The following FA2H variants were observed in gnomAD, a reference collection of about 807,000 sequenced individuals.
The protein encoded by FA2H is fatty acid alpha-hydroxylase.
A neutral mutation model predicts 44.9 loss-of-function variants in FA2H; 22 were observed. The ratio of observed to expected loss-of-function variants is 0.49; its 90% CI spans 0.35 to 0.70. The LOEUF (loss-of-function observed/expected upper bound fraction) is 0.70, where lower values mean the gene tolerates loss of function less well. Among genes scored for constraint, FA2H ranks in the 30% least tolerant of loss-of-function variants. The pLI, the probability that FA2H is intolerant of heterozygous loss-of-function variation, is 0.01. For synonymous variants in FA2H, 243 were observed against 213.2 expected, an observed-to-expected ratio of 1.14 and a Z score of -1.22; for missense variants, 501 against 504.9, an observed-to-expected ratio of 0.99 and a Z score of 0.07.
Position 74,719,173 on chromosome 16 carries a change from A to G in FA2H, c.614-13T>C, listed in dbSNP as rs771187125. 2 of 1,611,332 alleles carry G rather than the reference A, an allele frequency of 1.2e-6. No individual in the cohort carries two copies. Among genetic ancestry groups the G allele is most frequent in the South Asian group, 1.1e-5 (1 of 91,060 alleles). ...GCCACCGTGTACTCTGCAGGGTGGC[A>G]GGGAGAGCGAGGTGAGGACCGGTGC... On this transcript the variant is annotated splice_polypyrimidine_tract_variant and intron_variant, in intron 4 of 6. Transcript: ENST00000219368.
At chr16:74,718,534 G>C (rs1423340927) in intron 5 of FA2H, among the ~76,000 whole-genome samples, 2 of 152,136 alleles carry the variant, frequency 1.3e-5, no homozygotes, top group African/African-American at 2.4e-5. Context: ...GTGTGACCTG[G>C]GGCAAGTTCC....
At chr16:74,734,769 G>A in intron 2 of FA2H, among the ~76,000 whole-genome samples, 1 of 152,230 alleles carries the variant, frequency 6.6e-6, no homozygotes, top group East Asian at 1.9e-4. Flanking sequence ...CCCAGAATCT[G>A]CTTCTCCCTA....
Position 74,714,050 on chromosome 16 carries a change from C to T in FA2H, c.*140G>A. 1.6e-6 allele frequency: 1 copy of T among 640,576 alleles called. No homozygotes were observed. Among genetic ancestry groups the T allele is most frequent in the Non-Finnish European group, 2.8e-6 (1 of 353,984 alleles). 39.7% of individuals were successfully genotyped at this position (640,576 alleles called of 1,614,324 possible). A position where few individuals can be genotyped will look rare whatever the true frequency, so the allele number is the denominator to read the frequency against. On this transcript the variant is annotated 3_prime_UTR_variant, in exon 7 of 7. Transcript: ENST00000219368. Reference sequence around the variant, plus strand: ...CGGTCCTGCCTCAGGGCCCCCTCAGCACCTTCCACTAGGCTGCAGGGCCGG... The same window carrying T: ...CGGTCCTGCCTCAGGGCCCCCTCAGTACCTTCCACTAGGCTGCAGGGCCGG...
chr16:74,726,967 T>C (rs1298803715), intron 3 of FA2H, among the ~76,000 whole-genome samples: 2 of 152,180 alleles, frequency 1.3e-5, no homozygotes, highest in Admixed American at 6.5e-5. Flanking sequence ...ATTGTTCCCA[T>C]GCGCATCGTG....
At chr16:74,729,257 C>T (rs989782576) in intron 2 of FA2H, among the ~76,000 whole-genome samples, 1 of 152,162 alleles carries the variant, frequency 6.6e-6, no homozygotes, top group African/African-American at 2.4e-5. Context: ...GATCTGCCCG[C>T]CTCGGCCTCC....
At chr16:74,727,554 C>T (rs879001528) in intron 2 of FA2H, among the ~76,000 whole-genome samples, 168 bp from the exon 3 acceptor site, 1 of 152,264 alleles carries the variant, frequency 6.6e-6, no homozygotes, top group South Asian at 2.1e-4. Context: ...CCAAGCTGCT[C>T]ATCCCAGCCC....
intron 3 of FA2H, 27 bp from the exon 4 acceptor site, chr16:74,726,358 AGATACAT>A: frequency 7.1e-7 from 1 of 1,400,200 alleles, no homozygotes. Flanking sequence ...AGGGTGAGAG[AGATACAT>A]GCACAGGAGC....
In FA2H at chr16:74,716,393, G is replaced by A. The variant is rs755566191; in HGVS notation, c.993C>T (p.Ser331=). The A allele has an allele frequency of 6.2e-7, 1 of 1,613,976 alleles. No homozygotes were observed. The highest frequency in any genetic ancestry group is 1.7e-5 in the Admixed American group (1 of 59,990). The part of the protein sequence containing the change: ...GSPHKGSYLY[S]LKAHHVKHHF... ...GGTGCTTGACGTGGTGGGCCTTCAGGCTGTACAGGTAGGAGCCCTTGTGCG... is the reference window on the plus strand; with the variant it reads ...GGTGCTTGACGTGGTGGGCCTTCAGACTGTACAGGTAGGAGCCCTTGTGCG... The change falls in exon 6 of 7, where the codon AGC becomes AGT. Residue 331 remains serine (S), a synonymous_variant. Transcript: ENST00000219368.
At position 74,739,496 on chromosome 16, in the gene FA2H, C is replaced by T. The variant is rs942817539; in HGVS notation, c.363+527G>A. On this transcript the variant is annotated intron_variant, in intron 2 of 6. Transcript: ENST00000219368. Reference sequence around the variant, plus strand: ...GGGTCTGCTCAGCCATAGCAAGGCACTGGCCTCTTGATGCCAAAAGAGGCT... The same window carrying T: ...GGGTCTGCTCAGCCATAGCAAGGCATTGGCCTCTTGATGCCAAAAGAGGCT... 4.6e-5 allele frequency among the ~76,000 whole-genome samples: 7 copies of T among 152,200 alleles called. No homozygotes were observed. The South Asian group carries it at 1.4e-3, about 32-fold the overall frequency.
intron 1 of FA2H, among the ~76,000 whole-genome samples, chr16:74,766,381 A>G (rs914486153): frequency 6.6e-6 from 1 of 152,130 alleles, no homozygotes; most frequent in African/African-American, 2.4e-5. Flanking sequence ...AGTGAAGGGG[A>G]AAAAAGCAGA....
At chr16:74,716,223 G>T in intron 6 of FA2H, 124 bp downstream of exon 6, 1 of 1,112,870 alleles carries the variant, frequency 9.0e-7, no homozygotes, top group African/African-American at 1.6e-5. Flanking sequence ...AGAGAGTAGA[G>T]GGAACCCTCT....
At chr16:74,731,844 C>T (rs868366086) in intron 2 of FA2H, among the ~76,000 whole-genome samples, 11 of 152,196 alleles carry the variant, frequency 7.2e-5, no homozygotes, top group Non-Finnish European at 1.0e-4. Context: ...CTGTAGCTTA[C>T]GACCATCTCT....
intron 2 of FA2H, among the ~76,000 whole-genome samples, chr16:74,738,071 G>A (rs1962216112): frequency 6.6e-6 from 1 of 152,226 alleles, no homozygotes; most frequent in African/African-American, 2.4e-5. Context: ...CTGATTTTCT[G>A]GGGCGCTGAA....
rs77431883 is a variant in FA2H, at chr16:74,730,233, A to T, written c.364-2847T>A. Among the ~76,000 whole-genome samples, 379 of 152,174 alleles carry T rather than the reference A, an allele frequency of 2.5e-3. 1 individual carries two copies. The highest frequency in any genetic ancestry group is 8.5e-3 in the African/African-American group (352 of 41,514). On this transcript the variant is annotated intron_variant, in intron 2 of 6. Coordinates refer to ENST00000219368, the MANE Select transcript of FA2H (RefSeq NM_024306.5). ...TCTCTCTGTGCCTGTGACCAGGGTG[A>T]AGGGCCCAAAGGAAGCTGTGGCTTC... is the stretch of plus-strand genomic sequence containing the variant.
In FA2H at chr16:74,774,593, C is replaced by T. The variant is rs1212063848; in HGVS notation, c.163G>A (p.Gly55Ser). ...GGEQLLRARA[G>S]QDISADLDGP... ...TCCAGGTCGGCGCTGATGTCCTGGCCCGCCCTGGCCCGCAGCAGCTGCTCG... is the reference window on the plus strand; with the variant it reads ...TCCAGGTCGGCGCTGATGTCCTGGCTCGCCCTGGCCCGCAGCAGCTGCTCG... The change falls in exon 1 of 7, where the codon GGC (glycine) becomes AGC (serine). Residue 55 changes from glycine (G) to serine (S), a missense_variant. Physicochemically the swap from Gly to Ser is moderately conservative, Grantham distance 56. Coordinates refer to ENST00000219368, the MANE Select transcript of FA2H (RefSeq NM_024306.5). The T allele has an allele frequency of 3.9e-6, 6 of 1,526,626 alleles. No homozygotes were observed. In the Admixed American group the frequency reaches 7.9e-5, roughly 20 times the overall value. 94.6% of individuals were successfully genotyped at this position (1,526,626 alleles called of 1,614,324 possible). A position where few individuals can be genotyped will look rare whatever the true frequency, so the allele number is the denominator to read the frequency against.
chr16:74,727,254 T>A lies in FA2H; in HGVS notation c.496A>T (p.Lys166Ter), dbSNP rs2144617221. 6.2e-7 allele frequency: 1 copy of A among 1,614,014 alleles called. No individual in the cohort carries two copies. The highest frequency in any genetic ancestry group is 8.5e-7 in the Non-Finnish European group (1 of 1,180,016). The change falls in exon 3 of 7, where the codon AAG becomes TAG. Residue 166 changes from lysine to a stop codon, truncating the protein, a stop_gained. Coordinates refer to ENST00000219368, the MANE Select transcript of FA2H (RefSeq NM_024306.5). LOFTEE classifies it high-confidence loss of function. ...FHSDLIEGLS[K>*]TVWYSVPIIW... ...CAGGGAAGAGCTCACCAGACAGTCT[T>A]AGAGAGGCCCTCAATGAGGTCTGAG... is the stretch of plus-strand genomic sequence containing the variant.
At chr16:74,740,772 A>G (rs938546550) in intron 1 of FA2H, among the ~76,000 whole-genome samples, 2 of 152,104 alleles carry the variant, frequency 1.3e-5, no homozygotes, top group African/African-American at 4.8e-5. Flanking sequence ...CCCTCCGGGA[A>G]AGGGGTCCCT....
rs1026526407 is a variant in FA2H, at chr16:74,719,152, C to T, written c.622G>A (p.Val208Met). 2 of 1,613,212 alleles carry T rather than the reference C, an allele frequency of 1.2e-6. No individual in the cohort carries two copies. Among genetic ancestry groups the T allele is most frequent in the Admixed American group, 3.3e-5 (2 of 60,010 alleles). ...LFTSFTTEYT[V>M]AVPKSMFPGL... Reference sequence around the variant, plus strand: ...GGGAACATGGACTTGGGCACTGCCACCGTGTACTCTGCAGGGTGGCAGGGA... The same window carrying T: ...GGGAACATGGACTTGGGCACTGCCATCGTGTACTCTGCAGGGTGGCAGGGA... The change falls in exon 5 of 7, where the codon GTG becomes ATG. Residue 208 changes from valine to methionine, a missense_variant. Val to Met is a conservative substitution (Grantham distance 21). Transcript: ENST00000219368.
intron 1 of FA2H, among the ~76,000 whole-genome samples, chr16:74,747,042 G>A (rs534725702): frequency 1.3e-5 from 2 of 152,148 alleles, no homozygotes; most frequent in South Asian, 2.1e-4. Flanking sequence ...CAGGCATGGC[G>A]GTTCATGCCT....
Sources: allele counts gnomAD v4.1 joint callset (sites outside exome capture counted in the v4.1 genomes callset), GRCh38; gene constraint gnomAD v4.1.1; transcripts MANE v1.5; gene names NCBI Gene and HGNC (gene_info 2026-07-23, HGNC 2026-07-21).